The following MMS19 variants were observed in gnomAD, a reference collection of about 807,000 sequenced individuals.
The protein encoded by MMS19 is MMS19 nucleotide excision repair protein homolog.
Under a neutral mutation model 129.8 loss-of-function variants are expected in MMS19, and 77 were observed. The observed-to-expected ratio is 0.59, with a 90% CI of 0.49 to 0.72. MMS19 has a LOEUF of 0.72. Among genes scored for constraint, MMS19 ranks in the 30% least tolerant of loss-of-function variants. The pLI is 0.00. For missense variants in MMS19, 1,168 were observed against 1,266.3 expected, an observed-to-expected ratio of 0.92 and a Z score of 1.18; for synonymous variants, 491 against 502.8, an observed-to-expected ratio of 0.98 and a Z score of 0.31.
At position 97,469,713 on chromosome 10, in the gene MMS19, CAGCA is replaced by C; in HGVS notation, c.853_856del (p.Cys285ValfsTer9). On this transcript the variant is annotated frameshift_variant, in exon 11 of 31. Coordinates refer to ENST00000438925, the MANE Select transcript of MMS19 (RefSeq NM_022362.5). LOFTEE classifies it high-confidence loss of function. ...CAGTTCCTTCTGTCCATACACAGCACAGCAAGCATTCTGCCAAGGAAACCGCTGC... is the reference window on the plus strand; with the variant it reads ...CAGTTCCTTCTGTCCATACACAGCACAGCATTCTGCCAAGGAAACCGCTGC... 1 of 1,613,892 alleles carries C rather than the reference CAGCA, an allele frequency of 6.2e-7. No homozygotes were observed. The highest frequency in any genetic ancestry group is 1.1e-5 in the South Asian group (1 of 91,080).
chr10:97,474,163 G>T (rs1273247094), intron 8 of MMS19, among the ~76,000 whole-genome samples: 1 of 149,452 alleles, frequency 6.7e-6, no homozygotes. Context: ...GAAAGAAAAA[G>T]TTTGCCAACC....
intron 3 of MMS19, among the ~76,000 whole-genome samples, chr10:97,479,996 G>A (rs2036459200): frequency 6.6e-6 from 1 of 152,138 alleles, no homozygotes; most frequent in Non-Finnish European, 1.5e-5. Context: ...ATTAGAAACT[G>A]GGTCCACCCA....
intron 19 of MMS19, chr10:97,462,986 G>A (rs1019714197): frequency 3.1e-6 from 1 of 318,180 alleles, no homozygotes; most frequent in Non-Finnish European, 5.8e-6. Context: ...TGTCCCTGGT[G>A]TCCCTGGAGA....
rs767964642 is a variant in MMS19 at position 97,466,514 on chromosome 10, A to C, written c.1495T>G (p.Ser499Ala). 6.2e-7 allele frequency: 1 copy of C among 1,613,212 alleles called. No homozygotes were observed. The highest frequency in any genetic ancestry group is 8.5e-7 in the Non-Finnish European group (1 of 1,179,172). ...LYRLSFLKED[S>A]QSCRVAALEA... is the part of the protein sequence containing the mutation. ...GCTTTAAATTCTCACCAACTCTGGG[A>C]ATCCTCCTTCAGGAAGCTCAGTCTG... is the stretch of plus-strand genomic sequence containing the variant. Residue 499 changes from serine (S) to alanine (A), a missense_variant, in exon 16 of 31, where the codon TCC becomes GCC. By Grantham distance (99) the Ser-to-Ala change is moderately conservative. Transcript: ENST00000438925.
rs761820466 is a variant in MMS19 at position 97,459,531 on chromosome 10, G to A, written c.2740-5C>T. 56 of 1,611,624 alleles carry A rather than the reference G, an allele frequency of 3.5e-5. No homozygotes were observed. Among genetic ancestry groups the A allele is most frequent in the Non-Finnish European group, 3.8e-5 (45 of 1,178,336 alleles). On this transcript the variant is annotated splice_region_variant and splice_polypyrimidine_tract_variant and intron_variant, in intron 27 of 30. Transcript: ENST00000438925. ...CTCCAGCAGCAAGGAAAGAAGCTAA[G>A]GGGCAATGGGCAAGGTAGGGGATGG... is the stretch of plus-strand genomic sequence containing the variant.
intron 1 of MMS19, among the ~76,000 whole-genome samples, chr10:97,486,033 C>A (rs1420474112): frequency 6.6e-6 from 1 of 152,212 alleles, no homozygotes; most frequent in African/African-American, 2.4e-5. Context: ...CCCATGTTCA[C>A]TGCAGCATTA....
chr10:97,477,531 A>C, intron 5 of MMS19, 115 bp from the exon 6 acceptor site: 1 of 1,397,460 alleles, frequency 7.2e-7, no homozygotes, highest in Non-Finnish European at 1.0e-6. Context: ...CCAGCATAAG[A>C]TCAATCTAAG....
At position 97,488,926 on chromosome 10, in the gene MMS19, C is replaced by A. The variant is rs571752724; in HGVS notation, c.113-4775G>T. ...TATAGTACATCCATACAATGGAATT[C>A]TCTGTAGCTACTTTTATTTATTTTT... On this transcript the variant is annotated intron_variant, in intron 1 of 30. Transcript: ENST00000438925. 2.0e-5 allele frequency among the ~76,000 whole-genome samples: 3 copies of A among 152,270 alleles called. No homozygotes were observed. The South Asian group carries it at 6.2e-4, about 32-fold the overall frequency.
rs1251991313 is a variant in MMS19 at position 97,480,185 on chromosome 10, T to A, written c.262+757A>T. 7.2e-6 allele frequency: 3 copies of A among 418,202 alleles called. No individual in the cohort carries two copies. The East Asian group carries it at 2.2e-4, about 30-fold the overall frequency. 25.9% of individuals were successfully genotyped at this position (418,202 alleles called of 1,614,324 possible). A position where few individuals can be genotyped will look rare whatever the true frequency, so the allele number is the denominator to read the frequency against. The stretch of plus-strand genomic sequence containing the variant: ...TGAATGACATGCCTAGTCAAACCAA[T>A]CCCCCGAGCCCTATGCAAATCAGAC... On this transcript the variant is annotated intron_variant, in intron 3 of 30. Transcript: ENST00000438925.
intron 1 of MMS19, among the ~76,000 whole-genome samples, chr10:97,491,589 T>C (rs2135548319): frequency 6.6e-6 from 1 of 152,256 alleles, no homozygotes; most frequent in African/African-American, 2.4e-5. Flanking sequence ...TGCTTGAACC[T>C]GGGAGGCAGA....
At chr10:97,466,240 G>A in intron 16 of MMS19, 81 bp from the exon 17 acceptor site, 2 of 1,195,754 alleles carry the variant, frequency 1.7e-6, no homozygotes, top group Non-Finnish European at 2.4e-6. Flanking sequence ...GGCAGATTCA[G>A]GAGTGTGAGC....
At chr10:97,475,662 AG>A (rs1490211049) in intron 8 of MMS19, among the ~76,000 whole-genome samples, 2 of 152,086 alleles carry the variant, frequency 1.3e-5, no homozygotes, top group Non-Finnish European at 2.9e-5. Flanking sequence ...GCTTGAACCC[AG>A]GAGGCAGAGG....
At chr10:97,495,147 G>C (rs2039556282) in intron 1 of MMS19, among the ~76,000 whole-genome samples, 2 of 152,226 alleles carry the variant, frequency 1.3e-5, no homozygotes, top group South Asian at 4.1e-4. Context: ...CACAGAGCTA[G>C]TGAAGGGAAT....
At chr10:97,473,682 A>G (rs2035199472) in intron 8 of MMS19, among the ~76,000 whole-genome samples, 1 of 152,172 alleles carries the variant, frequency 6.6e-6, no homozygotes. Flanking sequence ...CCAAAAGAAT[A>G]TCTTGTGACA....
rs1433572524 is a variant in MMS19, at chr10:97,461,905, GA to G, written c.2116-10del. On this transcript the variant is annotated splice_polypyrimidine_tract_variant and intron_variant, in intron 21 of 30. Coordinates refer to ENST00000438925, the MANE Select transcript of MMS19 (RefSeq NM_022362.5). Reference sequence around the variant, plus strand: ...TGCCCTGAGGAGCCATCCTATAAAGGAAGGAGAGCCCGATCAAGCCTGCCAG... The same window carrying G: ...TGCCCTGAGGAGCCATCCTATAAAGGAGGAGAGCCCGATCAAGCCTGCCAG... The G allele has an allele frequency of 1.9e-6, 3 of 1,600,804 alleles. No individual in the cohort carries two copies. The highest frequency in any genetic ancestry group is 2.6e-6 in the Non-Finnish European group (3 of 1,173,902).
chr10:97,469,596 G>T, intron 11 of MMS19, 50 bp downstream of exon 11: 2 of 1,447,290 alleles, frequency 1.4e-6, no homozygotes, highest in Non-Finnish European at 1.9e-6. Flanking sequence ...TTCCCCTCAT[G>T]CCTGACAATT....
In MMS19 at chr10:97,461,811, C is replaced by T; in HGVS notation, c.2184+17G>A. The T allele has an allele frequency of 6.2e-7, 1 of 1,603,496 alleles. No homozygotes were observed. The highest frequency in any genetic ancestry group is 8.5e-7 in the Non-Finnish European group (1 of 1,175,202). ...GTCAAGGTTAAATAACAGTACTTCC[C>T]AAATGTGCTCACTTACATTTCGAGG... On this transcript the variant is annotated intron_variant, in intron 22 of 30. Transcript: ENST00000438925.
chr10:97,461,703 G>C (rs1009407090), intron 22 of MMS19, 81 bp from the exon 23 acceptor site: 12 of 1,554,140 alleles, frequency 7.7e-6, no homozygotes, highest in Admixed American at 7.7e-5. Context: ...AGCAGGGACC[G>C]GGACGGATGA....
intron 29 of MMS19, 87 bp downstream of exon 29, chr10:97,459,136 G>A: frequency 1.5e-6 from 2 of 1,315,084 alleles, no homozygotes; most frequent in African/African-American, 2.9e-5. Context: ...ACACCAGGGT[G>A]GCCAAGCCCA....
Sources: allele counts gnomAD v4.1 joint callset (sites outside exome capture counted in the v4.1 genomes callset), GRCh38; gene constraint gnomAD v4.1.1; transcripts MANE v1.5; gene names NCBI Gene and HGNC (gene_info 2026-07-23, HGNC 2026-07-21).